The following USP54 variants were observed in gnomAD, a reference collection of about 807,000 sequenced individuals.
The protein encoded by USP54 is ubiquitin specific peptidase 54, also known as ubiquitin carboxyl-terminal hydrolase 54.
A neutral mutation model predicts 170.5 loss-of-function variants in USP54; 87 were observed. That is an observed-to-expected ratio of 0.51 (90% CI 0.43 to 0.61). The LOEUF is 0.61. Among genes scored for constraint, USP54 ranks in the 20% least tolerant of loss-of-function variants. The pLI is 0.00. For synonymous variants in USP54, 655 were observed against 742.8 expected (o/e 0.88, Z 1.92); for missense variants, 1,786 against 2,047.8 (o/e 0.87, Z 2.47).
At chr10:73,561,912 T>C (rs1226156876) in intron 4 of USP54, among the ~76,000 whole-genome samples, 1 of 152,038 alleles carries the variant, frequency 6.6e-6, no homozygotes, top group African/African-American at 2.4e-5. Flanking sequence ...CTACCAGAAA[T>C]ACAGACCAGA....
chr10:73,590,999 G>T (rs1327878562), intron 1 of USP54, among the ~76,000 whole-genome samples: 6 of 146,738 alleles, frequency 4.1e-5, no homozygotes, highest in African/African-American at 1.5e-4. Flanking sequence ...GAAAATCTAT[G>T]AATTTTTTTT....
chr10:73,623,501 C>G (rs944438083), intron 1 of USP54, among the ~76,000 whole-genome samples: 1 of 150,846 alleles, frequency 6.6e-6, no homozygotes. Context: ...AAAAATAAAT[C>G]AGCTGGGCAT....
intron 1 of USP54, among the ~76,000 whole-genome samples, chr10:73,604,061 C>G (rs1009563543): frequency 1.3e-5 from 2 of 151,750 alleles, no homozygotes; most frequent in African/African-American, 2.4e-5. Flanking sequence ...CCAGCCTGGC[C>G]AATGTGGTGA....
intron 4 of USP54, among the ~76,000 whole-genome samples, chr10:73,561,708 T>C (rs758966999): frequency 3.2e-4 from 48 of 152,312 alleles, no homozygotes; most frequent in Middle Eastern, 3.4e-3. Flanking sequence ...TTTGTAATCA[T>C]GCATTTTTAA....
intron 1 of USP54, among the ~76,000 whole-genome samples, chr10:73,579,885 TAGCCATG>T (rs555538285): frequency 3.7e-4 from 57 of 152,176 alleles, no homozygotes; most frequent in Admixed American, 7.2e-4. Flanking sequence ...TCAACATTAT[TAGCCATG>T]AGGGAAATGG....
Position 73,519,969 on chromosome 10 carries a change from C to T in USP54, c.2506G>A (p.Gly836Ser). 2.5e-6 allele frequency: 4 copies of T among 1,610,764 alleles called. No individual in the cohort carries two copies. Among genetic ancestry groups the T allele is most frequent in the Non-Finnish European group, 3.4e-6 (4 of 1,178,468 alleles). ...CTGCTGTGCGTGCTACAGCTGGCAC[C>T]ATGCAGGGCAAGTCTTAGTTTAGCT... The part of the protein sequence containing the change: ...AISKLRLALH[G>S]ASCSTHSRAL... Residue 836 changes from glycine (G) to serine (S), a missense_variant, in exon 19 of 24, where the codon GGT becomes AGT. Around this residue, in one of 3 missense-constraint regions of USP54, gnomAD observed 1,418 missense variants for 1,569.0 expected, o/e 0.90. Coordinates refer to ENST00000687698, the MANE Select transcript of USP54 (RefSeq NM_001391956.1).
At chr10:73,578,856 TC>T (rs2076479045) in intron 1 of USP54, among the ~76,000 whole-genome samples, 1 of 151,592 alleles carries the variant, frequency 6.6e-6, no homozygotes, top group Non-Finnish European at 1.5e-5. Flanking sequence ...ATTCAATACA[TC>T]ACAGTCCTAA....
chr10:73,600,605 G>A (rs545114321), intron 1 of USP54, among the ~76,000 whole-genome samples: 2 of 152,242 alleles, frequency 1.3e-5, no homozygotes, highest in African/African-American at 2.4e-5. Context: ...TGGAAGGAGG[G>A]TGAGAGTCAA....
intron 12 of USP54, 133 bp from the exon 13 acceptor site, chr10:73,530,968 C>T (rs2063844148): frequency 1.6e-6 from 2 of 1,272,634 alleles, no homozygotes; most frequent in Non-Finnish European, 2.2e-6. Flanking sequence ...AGGGCATAGG[C>T]TATCTGATTT....
At chr10:73,506,808 T>G (rs1486814790) in intron 20 of USP54, 9 of 152,052 alleles carry the variant, frequency 5.9e-5, no homozygotes, top group Admixed American at 5.9e-4. Context: ...AATGTTACAG[T>G]CTTCCTAAAA....
Position 73,498,908 on chromosome 10 carries a change from A to G in USP54, c.4776T>C (p.His1592=). The G allele has an allele frequency of 6.2e-6, 10 of 1,614,078 alleles. No homozygotes were observed. The highest frequency in any genetic ancestry group is 8.5e-6 in the Non-Finnish European group (10 of 1,180,000). The change falls in exon 24 of 24, where the codon CAT becomes CAC. Residue 1592 remains histidine, a synonymous_variant. Transcript: ENST00000687698. ...GAACAATGGGAGGGTGGGAGGGTGA[A>G]TGGAAAAGATCACTCCAGGACTGAG... ...PHTQSWSDLF[H]SPSHPPIVHP... is the part of the protein sequence containing the mutation.
In USP54 at chr10:73,517,335, CCTT is replaced by C. The variant is rs1356103660; in HGVS notation, c.3088_3090del (p.Lys1030del). 1.2e-6 allele frequency: 2 copies of C among 1,612,028 alleles called. No individual in the cohort carries two copies. The highest frequency in any genetic ancestry group is 1.7e-6 in the Non-Finnish European group (2 of 1,179,096). On this transcript the variant is annotated inframe_deletion, in exon 20 of 24. Coordinates refer to ENST00000687698, the MANE Select transcript of USP54 (RefSeq NM_001391956.1). ...ATCACCGGGGAGGGGTTAGCAGGAT[CCTT>C]CTTTTCTTGGAACAGCTGTTCTTGA...
chr10:73,548,195 C>G (rs2068306852), intron 4 of USP54, among the ~76,000 whole-genome samples: 1 of 152,116 alleles, frequency 6.6e-6, no homozygotes, highest in Admixed American at 6.5e-5. Context: ...CATCTCATGC[C>G]AGTTAGAATG....
intron 1 of USP54, among the ~76,000 whole-genome samples, chr10:73,607,240 TG>T (rs2079724529): frequency 6.7e-6 from 1 of 149,050 alleles, no homozygotes; most frequent in Non-Finnish European, 1.5e-5. Flanking sequence ...GAGGCTGCAG[TG>T]AGCCATAATC....
In USP54 at chr10:73,530,820, C is replaced by A. The variant is rs2063815378; in HGVS notation, c.1331G>T (p.Ser444Ile). The part of the protein sequence containing the change: ...SSRDTGHLTD[S>I]ECNQKHTSKK... ...GGATGTGTGTTTCTGATTACATTCA[C>A]TATCAGTCAGGTGTCCTGAAAAAAC... Residue 444 changes from serine (S) to isoleucine (I), a missense_variant, in exon 13 of 24, where the codon AGT becomes ATT. Ser to Ile is a moderately radical substitution (Grantham distance 142). Coordinates refer to ENST00000687698, the MANE Select transcript of USP54 (RefSeq NM_001391956.1). The A allele has an allele frequency of 1.9e-6, 3 of 1,613,972 alleles. No homozygotes were observed. The East Asian group carries it at 6.7e-5, about 36-fold the overall frequency.
At chr10:73,551,483 T>G (rs973523163) in intron 4 of USP54, among the ~76,000 whole-genome samples, 2 of 152,162 alleles carry the variant, frequency 1.3e-5, no homozygotes, top group African/African-American at 4.8e-5. Context: ...AGTTAAATAA[T>G]TGGATATGTG....
chr10:73,508,793 G>A lies in USP54; in HGVS notation c.4052-3367C>T, dbSNP rs558756924. Among the ~76,000 whole-genome samples the A allele has an allele frequency of 4.6e-5, 7 of 150,898 alleles. No individual in the cohort carries two copies. In the East Asian group the frequency reaches 1.4e-3, roughly 30 times the overall value. ...AGGGATTCTCCTGCCTCAGCCTCCC[G>A]AGTAGCTGGGACTACAGGTGCATGC... On this transcript the variant is annotated intron_variant, in intron 20 of 23. Transcript: ENST00000687698.
intron 1 of USP54, among the ~76,000 whole-genome samples, chr10:73,590,136 T>C (rs2078063895): frequency 6.6e-6 from 1 of 152,192 alleles, no homozygotes; most frequent in Non-Finnish European, 1.5e-5. Context: ...ATAGTGATTA[T>C]TTTTCTCACT....
intron 3 of USP54, among the ~76,000 whole-genome samples, chr10:73,574,236 T>C (rs2075740829): frequency 6.6e-6 from 1 of 152,138 alleles, no homozygotes; most frequent in South Asian, 2.1e-4. Context: ...GTAGGGTAGA[T>C]AATCAACTTA....
Sources: gnomAD v4.1 joint callset for allele counts (sites outside exome capture counted in the v4.1 genomes callset) on GRCh38, gnomAD v4.1.1 for gene constraint, gnomAD v4.1.1 regional missense constraint, MANE v1.5 for transcripts, NCBI Gene and HGNC (gene_info 2026-07-23, HGNC 2026-07-21) for gene names.